The following RNF38 variants were observed in gnomAD, a reference collection of about 807,000 sequenced individuals.
RNF38 encodes the protein ring finger protein 38.
In RNF38, 15 loss-of-function variants were observed where a neutral mutation model predicts 67.2. The observed-to-expected ratio is 0.22, with a 90% CI of 0.15 to 0.34. The LOEUF is 0.34. Ranked by LOEUF, RNF38 falls within the 10% of genes least tolerant of loss-of-function variation. The pLI, the probability that RNF38 is intolerant of heterozygous loss-of-function variation, is 1.00. For synonymous variants in RNF38, 220 were observed against 218.8 expected (o/e 1.01, Z -0.05); for missense variants, 524 against 639.9 (o/e 0.82, Z 1.95).
intron 1 of RNF38, among the ~76,000 whole-genome samples, chr9:36,450,942 AAT>A (rs1238174794): frequency 1.2e-4 from 18 of 152,194 alleles, no homozygotes; most frequent in Admixed American, 2.6e-4. Flanking sequence ...ATAACCAGAC[AAT>A]ATGAGTCTCC....
intron 2 of RNF38, among the ~76,000 whole-genome samples, chr9:36,378,979 C>T (rs1242022773): frequency 6.6e-6 from 1 of 151,834 alleles, no homozygotes; most frequent in Admixed American, 6.6e-5. Context: ...CGGCTCACCG[C>T]AACCTCTGCC....
intron 1 of RNF38, among the ~76,000 whole-genome samples, chr9:36,391,361 A>G (rs145392856): frequency 1.3e-4 from 20 of 152,188 alleles, no homozygotes; most frequent in Middle Eastern, 3.4e-3. Flanking sequence ...TCTTAAATTC[A>G]TATGTAAATA....
At chr9:36,371,934 C>CT (rs1292005987) in intron 3 of RNF38, among the ~76,000 whole-genome samples, 5,164 of 140,626 alleles carry the variant, frequency 0.037, 127 homozygotes, top group South Asian at 0.074. Context: ...TTTTTCTTTT[C>CT]TTTTTTTTTT....
intron 2 of RNF38, among the ~76,000 whole-genome samples, chr9:36,416,482 A>C (rs1195824643): frequency 1.3e-5 from 2 of 152,150 alleles, no homozygotes; most frequent in African/African-American, 2.4e-5. Flanking sequence ...CAAGGATTTC[A>C]GGTCTTGCCC....
At chr9:36,477,887 G>A (rs1840158651) in intron 1 of RNF38, among the ~76,000 whole-genome samples, 1 of 151,714 alleles carries the variant, frequency 6.6e-6, no homozygotes, top group Admixed American at 6.6e-5. Context: ...CAGCTACTCA[G>A]GAGGCTGAGG....
In RNF38 at chr9:36,428,868, C is replaced by A. The variant is rs1026338255; in HGVS notation, n.242-4185G>T. 2.0e-5 allele frequency among the ~76,000 whole-genome samples: 3 copies of A among 152,150 alleles called. No homozygotes were observed. The East Asian group carries it at 5.8e-4, about 29-fold the overall frequency. Reference sequence around the variant, plus strand: ...AAGACAAAGCAAAAAGCAAGCAAGGCCCCTAGCTCCATGGAGCTTACAGCC... The same window carrying A: ...AAGACAAAGCAAAAAGCAAGCAAGGACCCTAGCTCCATGGAGCTTACAGCC... On this transcript the variant is annotated intron_variant and non_coding_transcript_variant, in intron 1 of 3. Transcript: ENST00000488058.
intron 11 of RNF38, among the ~76,000 whole-genome samples, chr9:36,340,913 T>C (rs1237584454): frequency 1.3e-5 from 2 of 152,082 alleles, no homozygotes; most frequent in Non-Finnish European, 2.9e-5. Flanking sequence ...CAGCACATAA[T>C]CTTATTTCTG....
At chr9:36,464,132 C>G (rs1460555731) in intron 1 of RNF38, among the ~76,000 whole-genome samples, 2 of 151,868 alleles carry the variant, frequency 1.3e-5, no homozygotes, top group Non-Finnish European at 1.5e-5. Flanking sequence ...ACACTGCACT[C>G]CAGCCTGGGC....
At chr9:36,381,627 T>A (rs1466576253) in intron 2 of RNF38, among the ~76,000 whole-genome samples, 1 of 152,194 alleles carries the variant, frequency 6.6e-6, no homozygotes, top group East Asian at 1.9e-4. Flanking sequence ...TGAATCCAAA[T>A]TTTTAGACAA....
In RNF38 at chr9:36,369,781, G is replaced by C; in HGVS notation, c.508C>G (p.Leu170Val). The change falls in exon 4 of 12, where the codon CTG becomes GTG. Residue 170 changes from leucine (L) to valine (V), a missense_variant. By Grantham distance (32) the Leu-to-Val change is conservative. This residue lies in a region of RNF38 where 461 missense variants were observed against 517.4 expected (regional missense o/e 0.89). Transcript: ENST00000259605. ...AFHPPNVSPR[L>V]LHPAAHPPQQ... The stretch of plus-strand genomic sequence containing the variant: ...GGTGGATGAGCAGCAGGATGTAGCA[G>C]ACGGGGAGATACATTCGGAGGGTGG... 6.2e-7 allele frequency: 1 copy of C among 1,614,068 alleles called. No individual in the cohort carries two copies. Among genetic ancestry groups the C allele is most frequent in the Non-Finnish European group, 8.5e-7 (1 of 1,180,012 alleles).
chr9:36,366,946 C>T (rs1355892179), intron 4 of RNF38, among the ~76,000 whole-genome samples: 1 of 152,176 alleles, frequency 6.6e-6, no homozygotes, highest in Non-Finnish European at 1.5e-5. Context: ...GTACCCATTA[C>T]TTTAAATGAA....
At chr9:36,473,088 C>T (rs545732919) in intron 1 of RNF38, among the ~76,000 whole-genome samples, 5 of 151,714 alleles carry the variant, frequency 3.3e-5, no homozygotes, top group Admixed American at 1.3e-4. Context: ...GCCAAGATCA[C>T]GCCATTGCAC....
At position 36,369,875 on chromosome 9, in the gene RNF38, A is replaced by G. The variant is rs201265389; in HGVS notation, c.414T>C (p.Ile138=). 23 of 1,613,674 alleles carry G rather than the reference A, an allele frequency of 1.4e-5. No individual in the cohort carries two copies. In the East Asian group the frequency reaches 3.6e-4, roughly 25 times the overall value. ...RRDRLSRHNS[I]SQDENYHHLP... ...GATGGTGATAGTTTTCATCTTGACT[A>G]ATGGAATTATGTCGAGACAGACGAT... The change falls in exon 4 of 12, where the codon ATT becomes ATC. Residue 138 remains isoleucine, a synonymous_variant. Transcript: ENST00000259605.
intron 1 of RNF38, among the ~76,000 whole-genome samples, chr9:36,460,413 T>C (rs973383123): frequency 6.6e-6 from 1 of 151,972 alleles, no homozygotes; most frequent in African/African-American, 2.4e-5. Flanking sequence ...CTGGAGTAAA[T>C]GGAGGTAACA....
intron 1 of RNF38, among the ~76,000 whole-genome samples, chr9:36,445,533 C>T (rs1162517528): frequency 6.6e-6 from 1 of 152,058 alleles, no homozygotes; most frequent in Non-Finnish European, 1.5e-5. Flanking sequence ...GCAATGGAAC[C>T]CATACGGGTA....
chr9:36,477,387 C>T (rs1382706152), intron 1 of RNF38, among the ~76,000 whole-genome samples: 1 of 151,250 alleles, frequency 6.6e-6, no homozygotes. Context: ...AATACAACAA[C>T]AAAACAGGCT....
intron 2 of RNF38, among the ~76,000 whole-genome samples, chr9:36,387,122 G>A (rs189224422): frequency 7.9e-5 from 12 of 152,268 alleles, no homozygotes; most frequent in African/African-American, 2.9e-4. Context: ...GTCTATAAAT[G>A]AGGCATGAAT....
At chr9:36,365,240 C>T (rs1033634799) in intron 4 of RNF38, among the ~76,000 whole-genome samples, 2 of 149,946 alleles carry the variant, frequency 1.3e-5, no homozygotes, top group South Asian at 2.1e-4. Context: ...TTAAAAAAAA[C>T]GGGATCTTTC....
chr9:36,479,583 G>A (rs1297958558), intron 1 of RNF38, among the ~76,000 whole-genome samples: 1 of 152,114 alleles, frequency 6.6e-6, no homozygotes, highest in African/African-American at 2.4e-5. Context: ...GTCTTGAATT[G>A]CACCCCTCTA....
Sources: allele counts gnomAD v4.1 joint callset (sites outside exome capture counted in the v4.1 genomes callset), GRCh38; gene constraint gnomAD v4.1.1; regional missense constraint gnomAD v4.1.1; transcripts MANE v1.5; gene names NCBI Gene and HGNC (gene_info 2026-07-23, HGNC 2026-07-21).